Variants in GASK1B observed in about 807,000 individuals in gnomAD.
The protein encoded by GASK1B is golgi associated kinase 1B, also known as Golgi-associated kinase 1B.
In GASK1B, 34 loss-of-function variants were observed where a neutral mutation model predicts 42.8. The ratio of observed to expected loss-of-function variants is 0.79; its 90% CI spans 0.60 to 1.06. GASK1B has a LOEUF of 1.06. Among genes scored for constraint, GASK1B ranks in the 50% least tolerant of loss-of-function variants. The pLI is 0.00. For synonymous variants in GASK1B, 262 were observed against 259.1 expected, an observed-to-expected ratio of 1.01 and a Z score of -0.11; for missense variants, 686 against 661.0, an observed-to-expected ratio of 1.04 and a Z score of -0.42.
At chr4:158,141,850 G>C (rs1223343876) in intron 3 of GASK1B, among the ~76,000 whole-genome samples, 4 of 146,600 alleles carry the variant, frequency 2.7e-5, no homozygotes, top group African/African-American at 1.0e-4. Flanking sequence ...CTCGTGATCA[G>C]CCCGCCTCGG....
At chr4:158,142,640 A>G (rs1374069789) in intron 3 of GASK1B, among the ~76,000 whole-genome samples, 1 of 152,228 alleles carries the variant, frequency 6.6e-6, no homozygotes, top group Admixed American at 6.5e-5. Context: ...TAGTGGATCA[A>G]TGTGAACATC....
rs148120608 is a variant in GASK1B at position 158,158,195 on chromosome 4, A to G, written c.911-2370T>C. On this transcript the variant is annotated intron_variant, in intron 2 of 4. Transcript: ENST00000585682. ...AAGCAACAACATACATTCAAAACTG[A>G]CCTTATCAGGAAGAAATGAGATCGT... 1.1e-4 allele frequency among the ~76,000 whole-genome samples: 16 copies of G among 152,244 alleles called. No homozygotes were observed. The East Asian group carries it at 3.1e-3, about 29-fold the overall frequency.
Position 158,127,695 on chromosome 4 carries a change from A to G in GASK1B, c.1353-81T>C, listed in dbSNP as rs533673344. On this transcript the variant is annotated intron_variant, in intron 4 of 4. Transcript: ENST00000585682. ...TACCCAACTGTCCTGCCTTTCATTAATCTGTCATAAATCACACTAACAAAT... is the reference window on the plus strand; with the variant it reads ...TACCCAACTGTCCTGCCTTTCATTAGTCTGTCATAAATCACACTAACAAAT... 132 of 1,264,702 alleles carry G rather than the reference A, an allele frequency of 1.0e-4. No individual in the cohort carries two copies. The African/African-American group carries it at 1.9e-3, about 19-fold the overall frequency. The allele number at this position is 1,264,702 out of a possible 1,614,324, so 78.3% of individuals were successfully genotyped here. A position where few individuals can be genotyped will look rare whatever the true frequency, so the allele number is the denominator to read the frequency against.
rs78955967 is a variant in GASK1B at position 158,156,396 on chromosome 4, CTG to C, written c.911-573_911-572del. Among the ~76,000 whole-genome samples the C allele has an allele frequency of 1.6e-4, 24 of 152,278 alleles. No homozygotes were observed. The East Asian group carries it at 3.3e-3, about 21-fold the overall frequency. ...AGGTTTTTTTCTTTCCTGATAGAAA[CTG>C]TGCAAGCACAACAGTGCTCTTGGTA... On this transcript the variant is annotated intron_variant, in intron 2 of 4. Coordinates refer to ENST00000585682, the MANE Select transcript of GASK1B (RefSeq NM_001128424.2).
intron 3 of GASK1B, among the ~76,000 whole-genome samples, chr4:158,135,168 T>C (rs1014778323): frequency 3.3e-5 from 5 of 151,630 alleles, no homozygotes; most frequent in African/African-American, 1.2e-4. Flanking sequence ...CCATCTCTAC[T>C]AAAGATACCG....
intron 1 of GASK1B, among the ~76,000 whole-genome samples, chr4:158,171,809 G>A (rs955030534): frequency 6.6e-6 from 1 of 152,138 alleles, no homozygotes; most frequent in South Asian, 2.1e-4. Flanking sequence ...AAAAATCCAA[G>A]AGTGTTTTAT....
chr4:158,143,425 T>C (rs1280156740), intron 3 of GASK1B, among the ~76,000 whole-genome samples: 1 of 152,090 alleles, frequency 6.6e-6, no homozygotes, highest in Non-Finnish European at 1.5e-5. Flanking sequence ...AAAAGGGAAA[T>C]AGGAAAGATA....
chr4:158,150,407 G>A (rs1731513459), intron 3 of GASK1B, among the ~76,000 whole-genome samples: 1 of 152,060 alleles, frequency 6.6e-6, no homozygotes, highest in Admixed American at 6.5e-5. Context: ...TCTCAGCAGT[G>A]ACATAAACAC....
chr4:158,149,384 A>G (rs1472538522), intron 3 of GASK1B, among the ~76,000 whole-genome samples: 1 of 152,180 alleles, frequency 6.6e-6, no homozygotes, highest in Non-Finnish European at 1.5e-5. Flanking sequence ...GCATAAATGG[A>G]GCTTCCCTCA....
At chr4:158,167,736 T>C (rs1732281943) in intron 2 of GASK1B, among the ~76,000 whole-genome samples, 1 of 152,174 alleles carries the variant, frequency 6.6e-6, no homozygotes, top group Non-Finnish European at 1.5e-5. Context: ...ATATGTATTA[T>C]ATAATATAAT....
At chr4:158,150,046 C>T (rs1373380948) in intron 3 of GASK1B, among the ~76,000 whole-genome samples, 2 of 150,450 alleles carry the variant, frequency 1.3e-5, no homozygotes, top group African/African-American at 4.9e-5. Flanking sequence ...CTGCCTCAGC[C>T]TCCCAAGTAA....
At chr4:158,167,337 A>T (rs1732266343) in intron 2 of GASK1B, 1 of 152,208 alleles carries the variant, frequency 6.6e-6, no homozygotes, top group African/African-American at 2.4e-5. Context: ...CACCACACTG[A>T]TAGTTCTCAC....
chr4:158,125,476 C>T lies in GASK1B; in HGVS notation c.*1931G>A, dbSNP rs1027097455. On this transcript the variant is annotated 3_prime_UTR_variant, in exon 5 of 5. Transcript: ENST00000585682. The stretch of plus-strand genomic sequence containing the variant: ...CACCTTGGTAAGACAGGATGTCAGG[C>T]AACTTGCCAAAAGAGTTATTTCAAG... 10 of 152,020 alleles carry T rather than the reference C, an allele frequency of 6.6e-5. No homozygotes were observed. The highest frequency in any genetic ancestry group is 1.7e-4 in the African/African-American group (7 of 41,394). 9.4% of individuals were successfully genotyped at this position (152,020 alleles called of 1,614,324 possible). A position where few individuals can be genotyped will look rare whatever the true frequency, so the allele number is the denominator to read the frequency against.
intron 2 of GASK1B, among the ~76,000 whole-genome samples, chr4:158,165,034 G>A (rs574083376): frequency 7.2e-5 from 11 of 152,314 alleles, no homozygotes; most frequent in Admixed American, 7.2e-4. Flanking sequence ...AGAATTCTTG[G>A]AACTAGGCTA....
At chr4:158,167,065 A>T (rs753358850) in intron 2 of GASK1B, 21 of 152,144 alleles carry the variant, frequency 1.4e-4, no homozygotes, top group Non-Finnish European at 2.6e-4. Context: ...TAAATATCTA[A>T]ATTCAACTTG....
Position 158,127,298 on chromosome 4 carries a change from C to A in GASK1B, c.*109G>T. 1 of 847,908 alleles carries A rather than the reference C, an allele frequency of 1.2e-6. No homozygotes were observed. The highest frequency in any genetic ancestry group is 1.6e-5 in the South Asian group (1 of 61,152). The allele number at this position is 847,908 out of a possible 1,614,324, so 52.5% of individuals were successfully genotyped here. A position where few individuals can be genotyped will look rare whatever the true frequency, so the allele number is the denominator to read the frequency against. On this transcript the variant is annotated 3_prime_UTR_variant, in exon 5 of 5. Transcript: ENST00000585682. ...GTTAAAGTCATTTATTTTACGTATT[C>A]ATCTACACTGCCTCATTGCTAAACG... is the stretch of plus-strand genomic sequence containing the variant.
chr4:158,150,679 G>C (rs2110979645), intron 3 of GASK1B, among the ~76,000 whole-genome samples: 1 of 152,242 alleles, frequency 6.6e-6, no homozygotes, highest in Non-Finnish European at 1.5e-5. Context: ...AATGGAGAAA[G>C]GATGCCTACT....
At chr4:158,147,993 C>T (rs942509077) in intron 3 of GASK1B, among the ~76,000 whole-genome samples, 1 of 152,152 alleles carries the variant, frequency 6.6e-6, no homozygotes, top group African/African-American at 2.4e-5. Context: ...GGGTGGATCG[C>T]TTGAGCCCAG....
Position 158,155,636 on chromosome 4 carries a change from A to G in GASK1B, c.1100T>C (p.Met367Thr). The change falls in exon 3 of 5, where the codon ATG (methionine) becomes ACG (threonine). Residue 367 changes from methionine to threonine, a missense_variant. By Grantham distance (81) the Met-to-Thr change is moderately conservative. Coordinates refer to ENST00000585682, the MANE Select transcript of GASK1B (RefSeq NM_001128424.2). ...CTGTAACAAAAAATCAAAGAGTGCCATCTTGGACCACTCATGATGATGTAT... is the reference window on the plus strand; with the variant it reads ...CTGTAACAAAAAATCAAAGAGTGCCGTCTTGGACCACTCATGATGATGTAT... ...TEIHHHEWSK[M>T]ALFDFLLQIY... 2 of 1,612,660 alleles carry G rather than the reference A, an allele frequency of 1.2e-6. No individual in the cohort carries two copies. Among genetic ancestry groups the G allele is most frequent in the Admixed American group, 3.3e-5 (2 of 59,984 alleles).
Sources: gnomAD v4.1 joint callset for allele counts (sites outside exome capture counted in the v4.1 genomes callset) on GRCh38, gnomAD v4.1.1 for gene constraint, MANE v1.5 for transcripts, NCBI Gene and HGNC (gene_info 2026-07-23, HGNC 2026-07-21) for gene names.